ASTN2: variants seen among roughly 807,000 people sequenced by gnomAD.
ASTN2 encodes astrotactin-2.
Under a neutral mutation model 139.8 loss-of-function variants are expected in ASTN2, and 54 were observed. That is an observed-to-expected ratio of 0.39 (90% CI 0.31 to 0.48). The LOEUF is 0.48. Ranked by LOEUF, ASTN2 falls within the 20% of genes least tolerant of loss-of-function variation. The pLI is 0.95. For missense variants in ASTN2, 1,565 were observed against 1,725.1 expected (o/e 0.91, Z 1.64); for synonymous variants, 756 against 719.5 (o/e 1.05, Z -0.81).
chr9:116,439,911 C>G (rs532987418), intron 22 of ASTN2, among the ~76,000 whole-genome samples: 8 of 152,330 alleles, frequency 5.3e-5, no homozygotes, highest in Non-Finnish European at 1.0e-4. Flanking sequence ...GCAACCATTT[C>G]TACCTTTTTA....
At position 116,815,588 on chromosome 9, in the gene ASTN2, G is replaced by A. The variant is rs922002589; in HGVS notation, c.2207+5029C>T. On this transcript the variant is annotated intron_variant, in intron 12 of 22. Coordinates refer to ENST00000313400, the MANE Select transcript of ASTN2 (RefSeq NM_001365068.1). The stretch of plus-strand genomic sequence containing the variant: ...TGGGAGGCTGAGGCGGGTGGATCAC[G>A]AGGTCAGGAGATCGAGACCATCCTG... Among the ~76,000 whole-genome samples, 9 of 151,036 alleles carry A rather than the reference G, an allele frequency of 6.0e-5. No homozygotes were observed. The East Asian group carries it at 9.8e-4, about 16-fold the overall frequency.
At chr9:116,967,596 C>G (rs753268377) in intron 10 of ASTN2, among the ~76,000 whole-genome samples, 1 of 152,180 alleles carries the variant, frequency 6.6e-6, no homozygotes, top group Non-Finnish European at 1.5e-5. Context: ...CACATATGCA[C>G]ACATAACACG....
At chr9:117,378,941 G>T (rs889359088) in intron 1 of ASTN2, among the ~76,000 whole-genome samples, 2 of 152,084 alleles carry the variant, frequency 1.3e-5, no homozygotes, top group Admixed American at 6.6e-5. Context: ...GTTCTTACAA[G>T]ATCTGGTTGT....
intron 11 of ASTN2, among the ~76,000 whole-genome samples, chr9:116,843,070 C>T (rs555226078): frequency 6.6e-6 from 1 of 152,306 alleles, no homozygotes; most frequent in South Asian, 2.1e-4. Context: ...TCCTTCAGAG[C>T]CAGCAATCCC....
intron 20 of ASTN2, among the ~76,000 whole-genome samples, chr9:116,477,523 A>G (rs985394942): frequency 2.6e-5 from 4 of 151,964 alleles, no homozygotes; most frequent in African/African-American, 9.7e-5. Flanking sequence ...ATCAGATAAT[A>G]GGCAGAAATC....
intron 6 of ASTN2, among the ~76,000 whole-genome samples, chr9:117,036,949 T>C (rs148932921): frequency 2.4e-4 from 37 of 152,302 alleles, no homozygotes; most frequent in African/African-American, 7.2e-4. Flanking sequence ...AACATCTTGA[T>C]TTCTATGCAT....
At chr9:116,555,977 C>A (rs1410766285) in intron 19 of ASTN2, among the ~76,000 whole-genome samples, 2 of 152,104 alleles carry the variant, frequency 1.3e-5, no homozygotes, top group Non-Finnish European at 2.9e-5. Context: ...CCAGACTGGG[C>A]AAAAATAATT....
At chr9:116,437,124 G>C in intron 22 of ASTN2, 1 of 337,510 alleles carries the variant, frequency 3.0e-6, no homozygotes, top group South Asian at 2.5e-5. Flanking sequence ...GAGTTAGTGG[G>C]TGCAGCGCAC....
chr9:117,278,221 A>G lies in ASTN2; in HGVS notation c.630+13105T>C, dbSNP rs184008262. ...AATCCACTCCAGTCCTATTGAGGAG[A>G]ACGTTCCAATTTATCAAAGCCAAAT... On this transcript the variant is annotated intron_variant, in intron 2 of 22. Transcript: ENST00000313400. 2.0e-3 allele frequency among the ~76,000 whole-genome samples: 306 copies of G among 152,338 alleles called. 1 individual carries two copies. The highest frequency in any genetic ancestry group is 6.8e-3 in the African/African-American group (284 of 41,576).
At chr9:116,475,584 G>T (rs1233028809) in intron 20 of ASTN2, among the ~76,000 whole-genome samples, 4 of 152,250 alleles carry the variant, frequency 2.6e-5, no homozygotes, top group Admixed American at 1.3e-4. Flanking sequence ...TCTACAGAGG[G>T]TTGAAGACAT....
At chr9:117,183,230 G>T (rs1831119125) in intron 3 of ASTN2, among the ~76,000 whole-genome samples, 1 of 152,144 alleles carries the variant, frequency 6.6e-6, no homozygotes, top group South Asian at 2.1e-4. Context: ...CATCTCTGAG[G>T]GAAAGGGTCA....
chr9:116,795,984 A>G (rs1261739357), intron 13 of ASTN2, among the ~76,000 whole-genome samples: 1 of 152,220 alleles, frequency 6.6e-6, no homozygotes, highest in Non-Finnish European at 1.5e-5. Flanking sequence ...TAACAGCAGC[A>G]CACCAGCCAG....
rs1368876596 is a variant in ASTN2 at position 116,805,816 on chromosome 9, C to T, written c.2212G>A (p.Val738Met). 5 of 1,613,480 alleles carry T rather than the reference C, an allele frequency of 3.1e-6. No homozygotes were observed. The highest frequency in any genetic ancestry group is 4.2e-6 in the Non-Finnish European group (5 of 1,179,630). The change falls in exon 13 of 23, where the codon GTG (valine) becomes ATG (methionine). Residue 738 changes from valine (V) to methionine (M), a missense_variant. Physicochemically the swap from Val to Met is conservative, Grantham distance 21. Around this residue, in one of 4 missense-constraint regions of ASTN2, gnomAD observed 503 missense variants for 591.7 expected, o/e 0.85. Coordinates refer to ENST00000313400, the MANE Select transcript of ASTN2 (RefSeq NM_001365068.1). ...SSTIFMFCGC[V>M]EEYKLAPDGK... ...TCAGGAGCCAGTTTGTACTCCTCCA[C>T]GCAACTGTATGATAAAACAGAGCTC...
At chr9:117,083,913 G>A (rs1264559355) in intron 5 of ASTN2, among the ~76,000 whole-genome samples, 1 of 152,018 alleles carries the variant, frequency 6.6e-6, no homozygotes, top group East Asian at 1.9e-4. Context: ...GACCATCATG[G>A]GCTGGAGGAG....
intron 4 of ASTN2, among the ~76,000 whole-genome samples, chr9:117,137,307 T>C (rs1829975690): frequency 6.6e-6 from 1 of 152,158 alleles, no homozygotes; most frequent in Non-Finnish European, 1.5e-5. Context: ...CGGCTACCCA[T>C]TCCATCTTCT....
intron 4 of ASTN2, among the ~76,000 whole-genome samples, chr9:117,120,721 A>G (rs13292869): frequency 0.35 from 53,657 of 152,086 alleles, 10,303 homozygotes; most frequent in Non-Finnish European, 0.43. Flanking sequence ...AACTATCATA[A>G]TGGGGAAGGC....
At chr9:116,605,695 A>G (rs1489196344) in intron 19 of ASTN2, among the ~76,000 whole-genome samples, 1 of 152,084 alleles carries the variant, frequency 6.6e-6, no homozygotes, top group Non-Finnish European at 1.5e-5. Context: ...CCTTTACAAG[A>G]TCAGAGCTCA....
intron 1 of ASTN2, among the ~76,000 whole-genome samples, chr9:117,327,294 T>C (rs1587950687): frequency 2.0e-5 from 3 of 152,068 alleles, no homozygotes; most frequent in South Asian, 4.1e-4. Context: ...ACACCGACAA[T>C]TGAGACATTT....
chr9:116,997,174 G>A (rs2132561870), intron 7 of ASTN2, among the ~76,000 whole-genome samples: 1 of 152,224 alleles, frequency 6.6e-6, no homozygotes, highest in South Asian at 2.1e-4. Context: ...AGTTTTCATA[G>A]TCTCTTTTGT....
Sources: gnomAD v4.1 joint callset for allele counts (sites outside exome capture counted in the v4.1 genomes callset) on GRCh38, gnomAD v4.1.1 for gene constraint, gnomAD v4.1.1 regional missense constraint, MANE v1.5 for transcripts, NCBI Gene and HGNC (gene_info 2026-07-23, HGNC 2026-07-21) for gene names.